The following GTF2IRD1 variants were observed in gnomAD, a reference collection of about 807,000 sequenced individuals.
GTF2IRD1 encodes the protein general transcription factor II-I repeat domain-containing protein 1.
GTF2IRD1 carries 26 observed loss-of-function variants against 113.2 expected under a neutral mutation model. The observed-to-expected ratio is 0.23, with a 90% CI of 0.17 to 0.32. The LOEUF (loss-of-function observed/expected upper bound fraction) is 0.32, where lower values mean the gene tolerates loss of function less well. Ranked by LOEUF, GTF2IRD1 falls within the 10% of genes least tolerant of loss-of-function variation. The pLI is 1.00. For missense variants in GTF2IRD1, 864 were observed against 1,280.8 expected, an observed-to-expected ratio of 0.67 and a Z score of 4.97; for synonymous variants, 484 against 529.1, an observed-to-expected ratio of 0.91 and a Z score of 1.17.
intron 1 of GTF2IRD1, among the ~76,000 whole-genome samples, chr7:74,490,680 C>A (rs1554336508): frequency 6.6e-6 from 1 of 151,676 alleles, no homozygotes; most frequent in African/African-American, 2.4e-5. Context: ...CCTGCCTTTG[C>A]CTTTTACGTG....
intron 14 of GTF2IRD1, among the ~76,000 whole-genome samples, chr7:74,541,140 AG>A (rs1376314199): frequency 9.9e-5 from 15 of 151,952 alleles, no homozygotes; most frequent in Non-Finnish European, 1.2e-4. Flanking sequence ...TGGACCAAAC[AG>A]GTGTCCCCAC....
intron 22 of GTF2IRD1, among the ~76,000 whole-genome samples, chr7:74,585,402 C>T (rs1307211716): frequency 5.9e-5 from 9 of 152,192 alleles, no homozygotes; most frequent in Middle Eastern, 3.4e-3. Flanking sequence ...CGTGAGTCAC[C>T]GTGCCCGGTC....
At chr7:74,496,588 G>GTGCATGTGTGT (rs1795739021) in intron 1 of GTF2IRD1, among the ~76,000 whole-genome samples, 1 of 148,238 alleles carries the variant, frequency 6.7e-6, no homozygotes, top group Non-Finnish European at 1.5e-5. Flanking sequence ...GCATGTGTGT[G>GTGCATGTGTGT]GGTGGGTGTG....
intron 8 of GTF2IRD1, among the ~76,000 whole-genome samples, chr7:74,529,138 C>A (rs1310007577): frequency 6.6e-6 from 1 of 151,646 alleles, no homozygotes; most frequent in Admixed American, 6.6e-5. Context: ...ACCAAGGGGG[C>A]GGCAGGGGTA....
At chr7:74,532,359 A>G (rs1326658071) in intron 9 of GTF2IRD1, among the ~76,000 whole-genome samples, 3 of 152,096 alleles carry the variant, frequency 2.0e-5, no homozygotes, top group Admixed American at 6.6e-5. Context: ...TTTGAGACCA[A>G]CCTGGGCAAT....
chr7:74,456,943 A>G (rs1313269717), intron 1 of GTF2IRD1, among the ~76,000 whole-genome samples: 2 of 151,960 alleles, frequency 1.3e-5, no homozygotes, highest in Admixed American at 1.3e-4. Context: ...CCTCGTCCTC[A>G]GGGCTGGCCA....
exon 27 of GTF2IRD1, chr7:74,602,601 AAAAAG>A (rs1193030058): frequency 9.9e-5 from 51 of 514,710 alleles, 1 homozygote; most frequent in Non-Finnish European, 1.6e-4. Flanking sequence ...GAAAAAAAAA[AAAAAG>A]AGTGTTGCCT....
intron 6 of GTF2IRD1, among the ~76,000 whole-genome samples, chr7:74,520,611 G>A (rs1481903764): frequency 6.6e-6 from 1 of 151,800 alleles, no homozygotes; most frequent in African/African-American, 2.4e-5. Context: ...CTGCCAAGTG[G>A]TTCCAATGTG....
chr7:74,566,663 G>A (rs781785193), intron 22 of GTF2IRD1, among the ~76,000 whole-genome samples: 2 of 152,136 alleles, frequency 1.3e-5, no homozygotes, highest in Admixed American at 6.6e-5. Context: ...ACGATTTGCC[G>A]GTTACAAAGC....
Position 74,584,363 on chromosome 7 carries a change from C to T in GTF2IRD1, c.2321-5488C>T, listed in dbSNP as rs1554367117. Reference sequence around the variant, plus strand: ...TGGAGGCTGAGGCACGAGAATCACTCGAACCCGGTAGGCGGAGGTTGCAGT... The same window carrying T: ...TGGAGGCTGAGGCACGAGAATCACTTGAACCCGGTAGGCGGAGGTTGCAGT... On this transcript the variant is annotated intron_variant, in intron 22 of 26. Transcript: ENST00000424337. Among the ~76,000 whole-genome samples, 13 of 152,118 alleles carry T rather than the reference C, an allele frequency of 8.5e-5. No homozygotes were observed. In the South Asian group the frequency reaches 2.7e-3, roughly 32 times the overall value.
At chr7:74,537,764 T>G (rs1224668058) in intron 11 of GTF2IRD1, among the ~76,000 whole-genome samples, 2 of 152,160 alleles carry the variant, frequency 1.3e-5, no homozygotes, top group Non-Finnish European at 2.9e-5. Flanking sequence ...CCCCAGATTT[T>G]TAACCCTTTC....
intron 14 of GTF2IRD1, among the ~76,000 whole-genome samples, chr7:74,540,668 G>A (rs1413916614): frequency 6.6e-6 from 1 of 151,924 alleles, no homozygotes; most frequent in Non-Finnish European, 1.5e-5. Flanking sequence ...AGTAAAATAG[G>A]CAGGGTAAGG....
intron 2 of GTF2IRD1, among the ~76,000 whole-genome samples, chr7:74,510,518 A>G (rs562167005): frequency 6.6e-6 from 1 of 150,804 alleles, no homozygotes; most frequent in South Asian, 2.2e-4. Context: ...CATGTTGGCC[A>G]GGCTGGTCTC....
chr7:74,596,502 G>A (rs1181157548), intron 25 of GTF2IRD1, among the ~76,000 whole-genome samples: 3 of 151,614 alleles, frequency 2.0e-5, no homozygotes, highest in Admixed American at 6.6e-5. Flanking sequence ...AATTAGCCTG[G>A]CATGGTGGTG....
At chr7:74,595,431 A>G (rs1201178032) in intron 25 of GTF2IRD1, among the ~76,000 whole-genome samples, 2 of 151,664 alleles carry the variant, frequency 1.3e-5, no homozygotes, top group African/African-American at 4.8e-5. Context: ...AGAAAGAAAG[A>G]AAAAAGCAGA....
intron 17 of GTF2IRD1, among the ~76,000 whole-genome samples, chr7:74,549,776 C>G (rs1372579491): frequency 6.6e-6 from 1 of 152,148 alleles, no homozygotes; most frequent in Non-Finnish European, 1.5e-5. Context: ...TGGCTCACGC[C>G]TGTAATCCCA....
chr7:74,587,337 A>C (rs1279764040), intron 22 of GTF2IRD1, among the ~76,000 whole-genome samples: 1 of 152,034 alleles, frequency 6.6e-6, no homozygotes, highest in Admixed American at 6.6e-5. Flanking sequence ...CCCAGCTCTC[A>C]GGAGGCTGAC....
rs1797135368 is a variant in GTF2IRD1 at position 74,519,439 on chromosome 7, G to A, written c.636G>A (p.Lys212=). The stretch of plus-strand genomic sequence containing the variant: ...TTGAGGATGGCGGGCGGGACTCGAA[G>A]GCCCTGGTGGAGCTGAACGGTGTCT... ...RPLEDGGRDS[K]ALVELNGVSL... is the part of the protein sequence containing the mutation. The change falls in exon 6 of 27, where the codon AAG becomes AAA. Residue 212 remains lysine, a synonymous_variant. Coordinates refer to ENST00000424337, the MANE Select transcript of GTF2IRD1 (RefSeq NM_005685.4). 6 of 1,544,914 alleles carry A rather than the reference G, an allele frequency of 3.9e-6. No homozygotes were observed. Among genetic ancestry groups the A allele is most frequent in the Non-Finnish European group, 5.2e-6 (6 of 1,146,874 alleles).
chr7:74,589,931 C>G lies in GTF2IRD1; in HGVS notation c.2398+3C>G. 1 of 1,592,608 alleles carries G rather than the reference C, an allele frequency of 6.3e-7. No individual in the cohort carries two copies. The highest frequency in any genetic ancestry group is 8.6e-7 in the Non-Finnish European group (1 of 1,160,786). On this transcript the variant is annotated splice_donor_region_variant and intron_variant, in intron 23 of 26. Coordinates refer to ENST00000424337, the MANE Select transcript of GTF2IRD1 (RefSeq NM_005685.4). ...GGAACTCTTCAACGAGAAATACGGT[C>G]AGTGCCTGTGGTCAGGGTCAGCACA... is the stretch of plus-strand genomic sequence containing the variant.
Sources: gnomAD v4.1 joint callset for allele counts (sites outside exome capture counted in the v4.1 genomes callset) on GRCh38, gnomAD v4.1.1 for gene constraint, MANE v1.5 for transcripts, NCBI Gene and HGNC (gene_info 2026-07-23, HGNC 2026-07-21) for gene names.